Variants in MACF1 observed in about 807,000 individuals in gnomAD.
The protein encoded by MACF1 is microtubule-actin cross-linking factor 1.
Under a neutral mutation model 854.8 loss-of-function variants are expected in MACF1, and 193 were observed. The observed-to-expected ratio is 0.23, with a 90% CI of 0.20 to 0.25. The LOEUF (loss-of-function observed/expected upper bound fraction) is 0.25. Ranked by LOEUF, MACF1 falls within the 10% of genes least tolerant of loss-of-function variation. The probability of loss-of-function intolerance (pLI) is 1.00; values close to 1 mark genes in which losing one functional copy is unlikely to be tolerated. For missense variants in MACF1, 7,722 were observed against 8,929.1 expected (o/e 0.86, Z 5.45); for synonymous variants, 3,185 against 3,226.7 (o/e 0.99, Z 0.44).
chr1:39,134,140 A>T (rs914929646), intron 2 of MACF1, among the ~76,000 whole-genome samples: 1 of 140,244 alleles, frequency 7.1e-6, no homozygotes, highest in African/African-American at 2.7e-5. Context: ...TCCCGGGTTC[A>T]TGCCATTCTC....
chr1:39,250,147 A>G (rs1645024210), intron 3 of MACF1, 44 bp downstream of exon 3: 2 of 1,315,882 alleles, frequency 1.5e-6, no homozygotes, highest in East Asian at 2.3e-5. Context: ...TGGCCCTACA[A>G]ATGACATATT....
chr1:39,177,716 T>C (rs965292266), intron 2 of MACF1, among the ~76,000 whole-genome samples: 1 of 152,080 alleles, frequency 6.6e-6, no homozygotes, highest in Non-Finnish European at 1.5e-5. Context: ...AAGAGGTAAC[T>C]GGGAAACATC....
At chr1:39,228,987 G>A (rs1201729019) in intron 1 of MACF1, among the ~76,000 whole-genome samples, 1 of 152,192 alleles carries the variant, frequency 6.6e-6, no homozygotes, top group Non-Finnish European at 1.5e-5. Context: ...CCAAATGAGA[G>A]TCAATAGGCA....
intron 1 of MACF1, among the ~76,000 whole-genome samples, chr1:39,209,751 CGCT>C: frequency 6.6e-6 from 1 of 152,138 alleles, no homozygotes; most frequent in Non-Finnish European, 1.5e-5. Context: ...CCCTTCTAGT[CGCT>C]GCTATGCCCT....
At chr1:39,359,981 C>T (rs1394954988) in intron 47 of MACF1, among the ~76,000 whole-genome samples, 6 of 56,228 alleles carry the variant, frequency 1.1e-4, no homozygotes, top group Non-Finnish European at 1.2e-4. Flanking sequence ...AGCAAGACTC[C>T]GTCTCAAAAA....
In MACF1 at chr1:39,285,680, G is replaced by T; in HGVS notation, c.1430G>T (p.Gly477Val). Reference protein sequence around the residue: ...DVIMYIQECEGLIRQLQVDLQ... With the variant: ...DVIMYIQECEVLIRQLQVDLQ... ...ATTATGTACATTCAGGAGTGTGAAG[G>T]TCTCATCAGGCAGCTGCAGGTGGAT... Residue 477 changes from glycine (G) to valine (V), a missense_variant, in exon 14 of 101, where the codon GGT (glycine) becomes GTT (valine). Physicochemically the swap from Gly to Val is moderately radical, Grantham distance 109. Transcript: ENST00000564288. The T allele has an allele frequency of 1.2e-6, 2 of 1,614,034 alleles. No individual in the cohort carries two copies. The highest frequency in any genetic ancestry group is 1.7e-6 in the Non-Finnish European group (2 of 1,179,972).
rs1041886048 is a variant in MACF1 at position 39,424,251 on chromosome 1, C to T, written c.16316+57C>T. The stretch of plus-strand genomic sequence containing the variant: ...AGAGGTTTGTTTTGTTCTTCTTCGA[C>T]TTATTATCACTATAAGTTCTTGGAT... On this transcript the variant is annotated intron_variant, in intron 61 of 100. Transcript: ENST00000564288. 27 of 1,440,458 alleles carry T rather than the reference C, an allele frequency of 1.9e-5. No individual in the cohort carries two copies. The African/African-American group carries it at 3.7e-4, about 20-fold the overall frequency. 89.2% of individuals were successfully genotyped at this position (1,440,458 alleles called of 1,614,324 possible).
In MACF1 at chr1:39,485,851, G is replaced by A; in HGVS notation, c.*57G>A. ...CTTTGAATCCTGCTCCATACATTGG[G>A]TGTATATTTATTCTGAACGGGAGAA... On this transcript the variant is annotated 3_prime_UTR_variant, in exon 101 of 101. Coordinates refer to ENST00000564288, the MANE Select transcript of MACF1 (RefSeq NM_001394062.1). 1.3e-6 allele frequency: 2 copies of A among 1,484,102 alleles called. No homozygotes were observed. Among genetic ancestry groups the A allele is most frequent in the Non-Finnish European group, 1.8e-6 (2 of 1,113,344 alleles). The allele number at this position is 1,484,102 out of a possible 1,614,324, so 91.9% of individuals were successfully genotyped here.
chr1:39,110,230 CTTTTTTT>C (rs5773651), intron 2 of MACF1, among the ~76,000 whole-genome samples: 2 of 84,566 alleles, frequency 2.4e-5, no homozygotes, highest in Non-Finnish European at 4.2e-5. Context: ...GGATGTTGTT[CTTTTTTT>C]TTTTTTTTTT....
At chr1:39,454,821 C>T in intron 88 of MACF1, 88 bp from the exon 89 acceptor site, 1 of 1,146,958 alleles carries the variant, frequency 8.7e-7, no homozygotes, top group Non-Finnish European at 1.2e-6. Context: ...AATAAAAAGC[C>T]ATTATGAAAA....
intron 2 of MACF1, among the ~76,000 whole-genome samples, chr1:39,150,610 A>G (rs67452844): frequency 0.19 from 28,728 of 152,136 alleles, 3,326 homozygotes; most frequent in East Asian, 0.32. Context: ...AAGATTCTTG[A>G]AGAATGGTAT....
At chr1:39,207,286 T>C (rs1038380407) in intron 1 of MACF1, among the ~76,000 whole-genome samples, 33 of 150,390 alleles carry the variant, frequency 2.2e-4, no homozygotes, top group Admixed American at 5.3e-4. Context: ...TTCTTTCTTT[T>C]TTTTTTTTGG....
intron 49 of MACF1, among the ~76,000 whole-genome samples, chr1:39,365,900 T>C (rs1648664388): frequency 6.6e-6 from 1 of 152,150 alleles, no homozygotes; most frequent in African/African-American, 2.4e-5. Flanking sequence ...GGTCTCGAAC[T>C]CCTGACCTCA....
chr1:39,106,176 G>C (rs887963168), intron 2 of MACF1, among the ~76,000 whole-genome samples: 1 of 152,020 alleles, frequency 6.6e-6, no homozygotes, highest in African/African-American at 2.4e-5. Flanking sequence ...CGGATGAGTC[G>C]CGTGGAAGCC....
At chr1:39,368,999 CTTTTT>C (rs552062352) in intron 50 of MACF1, among the ~76,000 whole-genome samples, 26 of 121,894 alleles carry the variant, frequency 2.1e-4, no homozygotes, top group African/African-American at 8.1e-4. Context: ...AGTCCCCTGG[CTTTTT>C]TTTTTTTTTT....
chr1:39,293,509 T>G lies in MACF1; in HGVS notation c.2044T>G (p.Ser682Ala). Reference sequence around the variant, plus strand: ...CCTTCAGAGCCTGCATAAATTTGTTTCCAGAGCTACAGCTGAGTTGATCTG... The same window carrying G: ...CCTTCAGAGCCTGCATAAATTTGTTGCCAGAGCTACAGCTGAGTTGATCTG... ...RHLQSLHKFVSRATAELIWLN... is the reference protein window; with the variant it reads ...RHLQSLHKFVARATAELIWLN... Residue 682 changes from serine to alanine, a missense_variant, in exon 18 of 101, where the codon TCC becomes GCC. This residue lies in a region of MACF1 where 1,137 missense variants were observed against 1,263.0 expected (regional missense o/e 0.90). Transcript: ENST00000564288. 1 of 1,614,004 alleles carries G rather than the reference T, an allele frequency of 6.2e-7. No individual in the cohort carries two copies. Among genetic ancestry groups the G allele is most frequent in the Non-Finnish European group, 8.5e-7 (1 of 1,179,902 alleles).
In MACF1 at chr1:39,358,747, A is replaced by G. The variant is rs148458151; in HGVS notation, c.11994A>G (p.Gln3998=). 4.1e-4 allele frequency: 668 copies of G among 1,614,108 alleles called. 5 individuals are homozygous for G. The South Asian group carries it at 6.8e-3, about 16-fold the overall frequency. ...HLNMLLGQYH[Q]FQNSADSLQA... is the part of the protein sequence containing the mutation. ...ATATGCTGTTAGGCCAGTATCATCA[A>G]TTCCAAAACAGTGCTGACAGCCTGC... Residue 3998 remains glutamine (Q), a synonymous_variant, in exon 46 of 101, where the codon CAA becomes CAG. Coordinates refer to ENST00000564288, the MANE Select transcript of MACF1 (RefSeq NM_001394062.1).
intron 4 of MACF1, chr1:39,254,054 G>A (rs1469960057): frequency 9.0e-6 from 4 of 443,660 alleles, no homozygotes; most frequent in African/African-American, 7.9e-5. Flanking sequence ...GGCATTAGTG[G>A]TCAAACAGTA....
Position 39,322,708 on chromosome 1 carries a change from C to A in MACF1, c.4130C>A (p.Thr1377Asn). 6.2e-7 allele frequency: 1 copy of A among 1,614,014 alleles called. No individual in the cohort carries two copies. Among genetic ancestry groups the A allele is most frequent in the South Asian group, 1.1e-5 (1 of 91,088 alleles). The change falls in exon 32 of 101, where the codon ACT (threonine) becomes AAT (asparagine). Residue 1377 changes from threonine to asparagine, a missense_variant. By Grantham distance (65) the Thr-to-Asn change is moderately conservative. Transcript: ENST00000564288. ...ATGCTTTCCTCTTCAGATGCCATCA[C>A]TCAAGAGGTGAGAGGGTGGGGGAAG... ...RRMLSSSDAI[T>N]QEFMDLRTRY...
Sources: allele counts gnomAD v4.1 joint callset (sites outside exome capture counted in the v4.1 genomes callset), GRCh38; gene constraint gnomAD v4.1.1; regional missense constraint gnomAD v4.1.1; transcripts MANE v1.5; gene names NCBI Gene and HGNC (gene_info 2026-07-23, HGNC 2026-07-21).